The following GALNT13 variants were observed in gnomAD, a reference collection of about 807,000 sequenced individuals.
GALNT13 encodes the protein UDP-GalNAc:polypeptide N-acetylgalactosaminyltransferase 13.
GALNT13 carries 28 observed loss-of-function variants against 64.2 expected under a neutral mutation model. The observed-to-expected ratio is 0.44, with a 90% CI of 0.32 to 0.60. The LOEUF (loss-of-function observed/expected upper bound fraction) is 0.60, where lower values mean the gene tolerates loss of function less well. GALNT13 is among the 20% of genes least tolerant of loss of function. The pLI, the probability that GALNT13 is intolerant of heterozygous loss-of-function variation, is 0.05. For missense variants in GALNT13, 577 were observed against 669.8 expected, an observed-to-expected ratio of 0.86 and a Z score of 1.53; for synonymous variants, 214 against 224.6, an observed-to-expected ratio of 0.95 and a Z score of 0.42.
At chr2:153,947,824 T>A (rs747220137) in intron 3 of GALNT13, among the ~76,000 whole-genome samples, 9 of 152,154 alleles carry the variant, frequency 5.9e-5, no homozygotes, top group Admixed American at 5.2e-4. Flanking sequence ...GGTTTTACAT[T>A]CAAGTCTTTA....
At chr2:153,342,089 A>C in the GALNT13 span, among the ~76,000 whole-genome samples, 1 of 152,210 alleles carries the variant, frequency 6.6e-6, no homozygotes, top group East Asian at 1.9e-4. Context: ...TCTGGAGTTT[A>C]GACTTTTGTT....
the GALNT13 span, among the ~76,000 whole-genome samples, chr2:153,310,927 A>G: frequency 6.6e-6 from 1 of 152,212 alleles, no homozygotes; most frequent in South Asian, 2.1e-4. Flanking sequence ...TGGAAGGATC[A>G]ATTCCTATCT....
chr2:153,256,836 G>A, the GALNT13 span, among the ~76,000 whole-genome samples: 1 of 152,226 alleles, frequency 6.6e-6, no homozygotes, highest in Non-Finnish European at 1.5e-5. Flanking sequence ...TGTGCTGGGA[G>A]AACCACTGCT....
Position 154,299,603 on chromosome 2 carries a change from C to T in GALNT13, c.976-1806C>T, listed in dbSNP as rs371128718. 7.5e-5 allele frequency among the ~76,000 whole-genome samples: 11 copies of T among 147,506 alleles called. No individual in the cohort carries two copies. In the East Asian group the frequency reaches 1.2e-3, roughly 16 times the overall value. ...CAGAGTAGCTGGGACTACAGGCGCCCGCCACCATGCCTGGCTAATTTTTTT... is the reference window on the plus strand; with the variant it reads ...CAGAGTAGCTGGGACTACAGGCGCCTGCCACCATGCCTGGCTAATTTTTTT... On this transcript the variant is annotated intron_variant, in intron 8 of 12. Transcript: ENST00000392825.
At chr2:153,878,768 A>G (rs1335853313) in intron 1 of GALNT13, among the ~76,000 whole-genome samples, 2 of 152,186 alleles carry the variant, frequency 1.3e-5, no homozygotes, top group South Asian at 2.1e-4. Context: ...TGCCTTGGCG[A>G]AAGTGAAGCA....
chr2:154,047,566 T>C (rs906837772), intron 3 of GALNT13, among the ~76,000 whole-genome samples: 1 of 152,162 alleles, frequency 6.6e-6, no homozygotes, highest in African/African-American at 2.4e-5. Flanking sequence ...GTAATAATAG[T>C]TGTGTTCAAC....
intron 1 of GALNT13, among the ~76,000 whole-genome samples, chr2:153,888,412 A>G (rs961234134): frequency 2.6e-5 from 4 of 151,990 alleles, no homozygotes; most frequent in African/African-American, 9.7e-5. Flanking sequence ...AGGTTATTAA[A>G]TAGTATTGTA....
chr2:153,358,929 G>T, the GALNT13 span, among the ~76,000 whole-genome samples: 1 of 152,036 alleles, frequency 6.6e-6, no homozygotes, highest in African/African-American at 2.4e-5. Flanking sequence ...ATAGGCATGA[G>T]ATCATAAATA....
chr2:154,446,130 T>C (rs980471674), intron 12 of GALNT13, among the ~76,000 whole-genome samples: 3 of 151,992 alleles, frequency 2.0e-5, no homozygotes, highest in Admixed American at 6.6e-5. Context: ...AGCTAAATTA[T>C]CCTCTGAATT....
the GALNT13 span, among the ~76,000 whole-genome samples, chr2:153,739,671 T>TTTAAATTA: frequency 1.7e-4 from 25 of 149,890 alleles, no homozygotes; most frequent in African/African-American, 5.3e-4. Flanking sequence ...TTAAATAATG[T>TTTAAATTA]ATGTTACATT....
At chr2:153,336,338 C>T in the GALNT13 span, among the ~76,000 whole-genome samples, 1 of 152,090 alleles carries the variant, frequency 6.6e-6, no homozygotes, top group African/African-American at 2.4e-5. Flanking sequence ...CAATGTTAGC[C>T]CATGAAAGCA....
chr2:153,743,740 C>T, the GALNT13 span, among the ~76,000 whole-genome samples: 1 of 151,960 alleles, frequency 6.6e-6, no homozygotes, highest in Non-Finnish European at 1.5e-5. Flanking sequence ...CTAGAGTCAC[C>T]CTGTTTTGCA....
the GALNT13 span, among the ~76,000 whole-genome samples, chr2:153,544,149 A>C: frequency 6.6e-6 from 1 of 152,224 alleles, no homozygotes; most frequent in African/African-American, 2.4e-5. Context: ...ATAAATACAG[A>C]AATGTATGAT....
At chr2:153,591,996 G>C in the GALNT13 span, among the ~76,000 whole-genome samples, 32,995 of 151,694 alleles carry the variant, frequency 0.22, 4,025 homozygotes, top group African/African-American at 0.32. Flanking sequence ...AAAAATAATA[G>C]CCTTAGAAAG....
the GALNT13 span, among the ~76,000 whole-genome samples, chr2:153,325,948 T>G: frequency 3.5e-4 from 53 of 152,160 alleles, no homozygotes; most frequent in Non-Finnish European, 4.3e-4. Flanking sequence ...AAGTGTTATG[T>G]GGTGCGGAGA....
intron 1 of GALNT13, among the ~76,000 whole-genome samples, chr2:153,876,881 A>G (rs1482640807): frequency 6.6e-6 from 1 of 152,152 alleles, no homozygotes; most frequent in Non-Finnish European, 1.5e-5. Flanking sequence ...GTTGGGAGAC[A>G]TGCTTTTCCT....
intron 2 of GALNT13, among the ~76,000 whole-genome samples, chr2:153,936,392 G>T (rs1690914895): frequency 6.6e-6 from 1 of 152,068 alleles, no homozygotes; most frequent in African/African-American, 2.4e-5. Context: ...TTATTATTAG[G>T]TGGCCTTTGC....
chr2:153,671,363 C>G, the GALNT13 span, among the ~76,000 whole-genome samples: 5 of 152,160 alleles, frequency 3.3e-5, no homozygotes, highest in Non-Finnish European at 7.3e-5. Context: ...TCTGCAGAAA[C>G]CTTACAAGCC....
intron 12 of GALNT13, among the ~76,000 whole-genome samples, chr2:154,447,348 G>T (rs553928366): frequency 1.1e-4 from 16 of 151,776 alleles, no homozygotes; most frequent in East Asian, 5.8e-4. Flanking sequence ...TTTCTTTGTG[G>T]TTGCCTAAGT....
Sources: gnomAD v4.1 joint callset for allele counts (sites outside exome capture counted in the v4.1 genomes callset) on GRCh38, gnomAD v4.1.1 for gene constraint, MANE v1.5 for transcripts, NCBI Gene and HGNC (gene_info 2026-07-23, HGNC 2026-07-21) for gene names.